GALNT13: variants seen among roughly 807,000 people sequenced by gnomAD.
GALNT13 encodes UDP-GalNAc:polypeptide N-acetylgalactosaminyltransferase 13.
A neutral mutation model predicts 64.2 loss-of-function variants in GALNT13; 28 were observed. That is an observed-to-expected ratio of 0.44 (90% confidence interval 0.32 to 0.60). The LOEUF (loss-of-function observed/expected upper bound fraction) is 0.60. Ranked by LOEUF, GALNT13 falls within the 20% of genes least tolerant of loss-of-function variation. The pLI, the probability that GALNT13 is intolerant of heterozygous loss-of-function variation, is 0.05. For missense variants in GALNT13, 577 were observed against 669.8 expected, an observed-to-expected ratio of 0.86 and a Z score of 1.53; for synonymous variants, 214 against 224.6, an observed-to-expected ratio of 0.95 and a Z score of 0.42.
chr2:153,992,727 C>A lies in GALNT13; in HGVS notation c.142+48088C>A, dbSNP rs146634375. On this transcript the variant is annotated intron_variant, in intron 3 of 12. Coordinates refer to ENST00000392825, the MANE Select transcript of GALNT13 (RefSeq NM_052917.4). ...GGGTTATAACTTTAGTCTGTGAAAA[C>A]AATACCATGATACTTTTTAAAAAAA... is the stretch of plus-strand genomic sequence containing the variant. 5.3e-5 allele frequency among the ~76,000 whole-genome samples: 8 copies of A among 152,154 alleles called. No homozygotes were observed. In the East Asian group the frequency reaches 1.5e-3, roughly 29 times the overall value.
At chr2:153,315,848 T>C in the GALNT13 span, among the ~76,000 whole-genome samples, 1 of 152,184 alleles carries the variant, frequency 6.6e-6, no homozygotes, top group Non-Finnish European at 1.5e-5. Flanking sequence ...TTCTTATTCA[T>C]ATTAAAACAA....
chr2:154,240,048 ATAT>A (rs1310562625), intron 4 of GALNT13, among the ~76,000 whole-genome samples: 8 of 152,212 alleles, frequency 5.3e-5, no homozygotes, highest in Non-Finnish European at 1.2e-4. Flanking sequence ...GCTCTTCAGA[ATAT>A]TTTACATAAA....
At chr2:154,299,705 C>T (rs1417416300) in intron 8 of GALNT13, among the ~76,000 whole-genome samples, 5 of 151,612 alleles carry the variant, frequency 3.3e-5, no homozygotes, top group Admixed American at 1.3e-4. Context: ...CCTCGTGATC[C>T]GCCCACCTCG....
chr2:153,452,314 G>A, the GALNT13 span, among the ~76,000 whole-genome samples: 1 of 151,880 alleles, frequency 6.6e-6, no homozygotes, highest in Non-Finnish European at 1.5e-5. Context: ...TATCCTGTCT[G>A]TACTAAAAAT....
the GALNT13 span, chr2:153,172,154 C>A: frequency 6.6e-6 from 1 of 152,176 alleles, no homozygotes; most frequent in African/African-American, 2.4e-5. Flanking sequence ...AGCAGCACAT[C>A]TCTTGTACCA....
At chr2:153,688,483 C>T in the GALNT13 span, among the ~76,000 whole-genome samples, 1 of 151,960 alleles carries the variant, frequency 6.6e-6, no homozygotes, top group African/African-American at 2.4e-5. Flanking sequence ...AAAGTACACA[C>T]ATCATTAGTA....
chr2:153,794,433 G>A, the GALNT13 span, among the ~76,000 whole-genome samples: 1 of 151,928 alleles, frequency 6.6e-6, no homozygotes, highest in Non-Finnish European at 1.5e-5. Flanking sequence ...ACAGCAACCT[G>A]CAGCTAAACA....
At chr2:153,523,185 A>G in the GALNT13 span, among the ~76,000 whole-genome samples, 3 of 150,006 alleles carry the variant, frequency 2.0e-5, no homozygotes, top group Non-Finnish European at 2.9e-5. Context: ...TCTGGGATCT[A>G]TGTTCTCTTT....
At chr2:153,516,130 T>C in the GALNT13 span, among the ~76,000 whole-genome samples, 3 of 152,228 alleles carry the variant, frequency 2.0e-5, no homozygotes, top group Non-Finnish European at 4.4e-5. Context: ...GTTCTCATTA[T>C]TCTATGCCAC....
the GALNT13 span, among the ~76,000 whole-genome samples, chr2:153,825,504 CAGTT>C: frequency 6.6e-6 from 1 of 152,034 alleles, no homozygotes; most frequent in African/African-American, 2.4e-5. Context: ...ATTATACTGT[CAGTT>C]AGCTCTCAAT....
intron 9 of GALNT13, among the ~76,000 whole-genome samples, chr2:154,315,958 C>T (rs950196905): frequency 2.0e-5 from 3 of 152,042 alleles, no homozygotes; most frequent in Non-Finnish European, 4.4e-5. Context: ...CGTGGTGGCA[C>T]AAGCCTGTAA....
chr2:154,341,165 G>A (rs1695746682), intron 9 of GALNT13, among the ~76,000 whole-genome samples: 3 of 151,944 alleles, frequency 2.0e-5, no homozygotes, highest in South Asian at 4.1e-4. Flanking sequence ...AAAATATACA[G>A]GCATGTACAA....
At chr2:153,335,473 G>A in the GALNT13 span, among the ~76,000 whole-genome samples, 1 of 152,208 alleles carries the variant, frequency 6.6e-6, no homozygotes, top group East Asian at 1.9e-4. Context: ...GGGAACTGGA[G>A]CAAAGGTGAC....
At position 154,298,622 on chromosome 2, in the gene GALNT13, C is replaced by CA. The variant is rs1693152908; in HGVS notation, c.976-2786dup. Among the ~76,000 whole-genome samples the CA allele has an allele frequency of 4.4e-4, 10 of 22,588 alleles. 3 individuals carry two copies. Among genetic ancestry groups the CA allele is most frequent in the African/African-American group, 1.9e-3 (10 of 5,370 alleles). 14.8% of individuals were successfully genotyped at this position (22,588 alleles called of 152,430 possible). On this transcript the variant is annotated intron_variant, in intron 8 of 12. Coordinates refer to ENST00000392825, the MANE Select transcript of GALNT13 (RefSeq NM_052917.4). The stretch of plus-strand genomic sequence containing the variant: ...CAATGTATATATTAATTTATATATA[C>CA]ATTGTATATATAATTTATATATACA...
At chr2:153,961,843 A>G (rs1295943944) in intron 3 of GALNT13, among the ~76,000 whole-genome samples, 1 of 152,180 alleles carries the variant, frequency 6.6e-6, no homozygotes, top group African/African-American at 2.4e-5. Context: ...AATTATTGTA[A>G]TTAAAGGGCC....
the GALNT13 span, among the ~76,000 whole-genome samples, chr2:153,259,749 A>G: frequency 6.6e-6 from 1 of 152,180 alleles, no homozygotes; most frequent in Non-Finnish European, 1.5e-5. Context: ...GTGTGAGTCC[A>G]TTAAACCTCT....
chr2:153,839,703 G>T, the GALNT13 span, among the ~76,000 whole-genome samples: 1 of 151,680 alleles, frequency 6.6e-6, no homozygotes, highest in Non-Finnish European at 1.5e-5. Context: ...TAATTTTTCT[G>T]ATCTGTTTTG....
At chr2:154,142,822 ATGTG>A (rs199728940) in intron 4 of GALNT13, among the ~76,000 whole-genome samples, 451 of 150,484 alleles carry the variant, frequency 3.0e-3, no homozygotes, top group Non-Finnish European at 5.0e-3. Flanking sequence ...TCCTGTGCAT[ATGTG>A]TGTGTGTGTG....
chr2:153,592,643 G>A, the GALNT13 span, among the ~76,000 whole-genome samples: 7 of 152,266 alleles, frequency 4.6e-5, no homozygotes, highest in Non-Finnish European at 8.8e-5. Context: ...GCTAAAAAAT[G>A]TACACACATT....
Sources: gnomAD v4.1 joint callset for allele counts (sites outside exome capture counted in the v4.1 genomes callset) on GRCh38, gnomAD v4.1.1 for gene constraint, MANE v1.5 for transcripts, NCBI Gene and HGNC (gene_info 2026-07-23, HGNC 2026-07-21) for gene names.